Variants in SLC60A1 observed in about 807,000 individuals in gnomAD.
SLC60A1 encodes the protein solute carrier family 60 member 1.
the SLC60A1 span, among the ~76,000 whole-genome samples, chr1:205,590,386 C>T: frequency 6.6e-6 from 1 of 152,214 alleles, no homozygotes; most frequent in Non-Finnish European, 1.5e-5. Flanking sequence ...CATATTTTTA[C>T]TGCATGAAAG....
the SLC60A1 span, among the ~76,000 whole-genome samples, chr1:205,593,453 CA>C: frequency 5.9e-4 from 49 of 83,506 alleles, no homozygotes; most frequent in African/African-American, 1.2e-3. Flanking sequence ...GACTCTGTCT[CA>C]AAAAAAAAAA....
the SLC60A1 span, chr1:205,586,329 T>A: frequency 8.3e-7 from 1 of 1,210,656 alleles, no homozygotes; most frequent in Non-Finnish European, 1.2e-6. Flanking sequence ...AACTCAGGAG[T>A]AGAGGGAAGA....
chr1:205,572,697 C>T, the SLC60A1 span, among the ~76,000 whole-genome samples: 1 of 152,136 alleles, frequency 6.6e-6, no homozygotes, highest in Non-Finnish European at 1.5e-5. Flanking sequence ...TCTGCCTCTC[C>T]CTCCAGCACC....
At chr1:205,576,295 C>A in the SLC60A1 span, among the ~76,000 whole-genome samples, 1 of 152,142 alleles carries the variant, frequency 6.6e-6, no homozygotes, top group African/African-American at 2.4e-5. Flanking sequence ...TTGGGGAAGC[C>A]AGGGCCAGCA....
At chr1:205,586,490 G>A in the SLC60A1 span, among the ~76,000 whole-genome samples, 1 of 152,182 alleles carries the variant, frequency 6.6e-6, no homozygotes, top group Non-Finnish European at 1.5e-5. Flanking sequence ...TGGCTGCAGT[G>A]TGTGGAGCCC....
chr1:205,583,236 C>G, the SLC60A1 span, among the ~76,000 whole-genome samples: 1 of 152,170 alleles, frequency 6.6e-6, no homozygotes, highest in Non-Finnish European at 1.5e-5. Flanking sequence ...GAAGGAGTTC[C>G]GATTTAGCAT....
chr1:205,597,990 G>T, the SLC60A1 span: 1 of 812,654 alleles, frequency 1.2e-6, no homozygotes, highest in South Asian at 1.6e-5. Flanking sequence ...CCCCTGTGCC[G>T]TTGTTACCTG....
the SLC60A1 span, chr1:205,597,964 G>C: frequency 4.5e-6 from 5 of 1,117,488 alleles, no homozygotes; most frequent in East Asian, 1.2e-4. Flanking sequence ...TGAGTCTCCA[G>C]CAAAGCCAGC....
At chr1:205,602,356 C>T in the SLC60A1 span, 1 of 152,638 alleles carries the variant, frequency 6.6e-6, no homozygotes, top group Non-Finnish European at 1.5e-5. Flanking sequence ...CAAGTGCTGG[C>T]TCACCTTCTA....
At chr1:205,600,232 A>G in the SLC60A1 span, 2 of 574,920 alleles carry the variant, frequency 3.5e-6, no homozygotes, top group African/African-American at 3.8e-5. Context: ...GTCTCAGGAA[A>G]CTGCCTCCAC....
the SLC60A1 span, chr1:205,583,887 G>A: frequency 6.4e-7 from 1 of 1,550,404 alleles, no homozygotes; most frequent in Non-Finnish European, 8.7e-7. Context: ...TGCAGTGTGT[G>A]CAGAGGCCAG....
the SLC60A1 span, chr1:205,569,230 C>A: frequency 6.4e-7 from 1 of 1,567,074 alleles, no homozygotes; most frequent in African/African-American, 1.4e-5. Flanking sequence ...CCCCAGATCT[C>A]CTGGGTCTTC....
chr1:205,592,642 C>G, the SLC60A1 span, among the ~76,000 whole-genome samples: 4 of 152,066 alleles, frequency 2.6e-5, no homozygotes, highest in African/African-American at 9.7e-5. Context: ...GAAATGAACA[C>G]CCCCCTCCTG....
chr1:205,591,695 T>C, the SLC60A1 span, among the ~76,000 whole-genome samples: 3 of 152,024 alleles, frequency 2.0e-5, no homozygotes, highest in African/African-American at 7.3e-5. Context: ...TGGCTTCCTG[T>C]CTGTGCACTC....
At chr1:205,579,725 C>T in the SLC60A1 span, 2 of 1,613,480 alleles carry the variant, frequency 1.2e-6, no homozygotes, top group Non-Finnish European at 8.5e-7. Flanking sequence ...AGCCCCATCC[C>T]CTGACATCAC....
chr1:205,593,056 C>G, the SLC60A1 span, among the ~76,000 whole-genome samples: 10 of 152,154 alleles, frequency 6.6e-5, no homozygotes, highest in Admixed American at 6.5e-4. Context: ...AATCTCCCTC[C>G]CCTTTCCCTA....
At chr1:205,587,356 C>T in the SLC60A1 span, among the ~76,000 whole-genome samples, 1 of 151,998 alleles carries the variant, frequency 6.6e-6, no homozygotes, top group African/African-American at 2.4e-5. Context: ...CGGGTTTGGA[C>T]ATAAGGTTGC....
chr1:205,588,469 CAAAAAAAAAA>C, the SLC60A1 span, among the ~76,000 whole-genome samples: 2 of 84,764 alleles, frequency 2.4e-5, no homozygotes, highest in South Asian at 5.1e-4. Context: ...GACTTCAAAT[CAAAAAAAAAA>C]AAAAAAAAAA....
chr1:205,574,151 TAAAA>T, the SLC60A1 span, among the ~76,000 whole-genome samples: 18 of 151,450 alleles, frequency 1.2e-4, no homozygotes, highest in African/African-American at 4.4e-4. Context: ...TTTTTTAAGT[TAAAA>T]AAACCTCAAA....
Sources: gnomAD v4.1 joint callset for allele counts (sites outside exome capture counted in the v4.1 genomes callset) on GRCh38, gnomAD v4.1.1 for gene constraint, MANE v1.5 for transcripts, NCBI Gene and HGNC (gene_info 2026-07-23, HGNC 2026-07-21) for gene names.